Variants in BCL2L1 observed in about 807,000 individuals in gnomAD.
The protein encoded by BCL2L1 is BCL2 like 1.
In BCL2L1, 1 loss-of-function variant was observed where a neutral mutation model predicts 18.7. That is an observed-to-expected ratio of 0.05 (90% CI 0.02 to 0.25). The LOEUF (loss-of-function observed/expected upper bound fraction) is 0.25, where lower values mean the gene tolerates loss of function less well. Among genes scored for constraint, BCL2L1 ranks in the 10% least tolerant of loss-of-function variants. BCL2L1 has a pLI of 1.00. For missense variants in BCL2L1, 207 were observed against 304.9 expected (o/e 0.68, Z 2.39); for synonymous variants, 103 against 122.7 (o/e 0.84, Z 1.06).
At chr20:31,688,386 G>A (rs187640000) in intron 2 of BCL2L1, among the ~76,000 whole-genome samples, 2 of 147,690 alleles carry the variant, frequency 1.4e-5, no homozygotes, top group African/African-American at 5.1e-5. Flanking sequence ...GGAGGTTGCA[G>A]TGAGCCAAGA....
intron 2 of BCL2L1, among the ~76,000 whole-genome samples, chr20:31,711,901 G>C (rs2061458114): frequency 6.6e-6 from 1 of 152,192 alleles, no homozygotes; most frequent in Non-Finnish European, 1.5e-5. Context: ...AGACAGTAGA[G>C]TGTGAATCCC....
chr20:31,721,377 G>C (rs1320302502), intron 2 of BCL2L1: 5 of 450,334 alleles, frequency 1.1e-5, no homozygotes, highest in South Asian at 3.7e-5. Flanking sequence ...TGAACACATA[G>C]GCTACAGTTT....
chr20:31,700,233 G>A (rs948342736), intron 2 of BCL2L1, among the ~76,000 whole-genome samples: 29 of 152,130 alleles, frequency 1.9e-4, no homozygotes, highest in African/African-American at 7.0e-4. Context: ...TTGCCGAATC[G>A]CCAAATGAAT....
At chr20:31,666,898 G>A (rs1304677906) in intron 2 of BCL2L1, among the ~76,000 whole-genome samples, 2 of 152,186 alleles carry the variant, frequency 1.3e-5, no homozygotes, top group African/African-American at 4.8e-5. Context: ...GGAAGGAGGA[G>A]CTGTGGGCTA....
intron 2 of BCL2L1, among the ~76,000 whole-genome samples, chr20:31,675,485 A>G (rs1373630330): frequency 6.6e-6 from 1 of 152,112 alleles, no homozygotes; most frequent in Non-Finnish European, 1.5e-5. Flanking sequence ...TTTGGCAGGG[A>G]GTTGCAGGCG....
intron 2 of BCL2L1, chr20:31,713,371 G>C (rs2061481585): frequency 1.0e-6 from 1 of 985,318 alleles, no homozygotes; most frequent in Non-Finnish European, 1.2e-6. Context: ...GGAAAGGCAG[G>C]GACACGTCCA....
intron 2 of BCL2L1, among the ~76,000 whole-genome samples, chr20:31,700,952 G>A (rs912734589): frequency 2.6e-5 from 4 of 152,206 alleles, no homozygotes; most frequent in African/African-American, 7.2e-5. Context: ...AGAGGAGATC[G>A]TGTTGCCTCA....
intron 2 of BCL2L1, among the ~76,000 whole-genome samples, chr20:31,707,920 G>C (rs975446357): frequency 6.6e-6 from 1 of 152,058 alleles, no homozygotes; most frequent in African/African-American, 2.4e-5. Context: ...ACTCAACAAC[G>C]GTTTGTCAAA....
intron 2 of BCL2L1, among the ~76,000 whole-genome samples, chr20:31,674,806 T>C (rs1247461662): frequency 1.3e-5 from 2 of 149,104 alleles, no homozygotes; most frequent in Admixed American, 6.7e-5. Flanking sequence ...GGCTGGGAGG[T>C]TGAAACTGCA....
Position 31,703,694 on chromosome 20 carries a change from G to C in BCL2L1, c.564+17961C>G, listed in dbSNP as rs1446051362. Among the ~76,000 whole-genome samples the C allele has an allele frequency of 2.8e-4, 43 of 151,354 alleles. 1 individual carries two copies. The highest frequency in any genetic ancestry group is 1.0e-3 in the African/African-American group (43 of 41,164). Reference sequence around the variant, plus strand: ...TTCAGTAGAGATGGGGTTTCACTGTGTTGGCCAGGCTGGTCTGGAACTCCT... The same window carrying C: ...TTCAGTAGAGATGGGGTTTCACTGTCTTGGCCAGGCTGGTCTGGAACTCCT... On this transcript the variant is annotated intron_variant, in intron 2 of 2. Transcript: ENST00000307677.
At chr20:31,697,554 T>G (rs2061195448) in intron 2 of BCL2L1, among the ~76,000 whole-genome samples, 1 of 151,054 alleles carries the variant, frequency 6.6e-6, no homozygotes, top group Non-Finnish European at 1.5e-5. Flanking sequence ...TCTCCTGCCT[T>G]AGCCTCCCAA....
In BCL2L1 at chr20:31,722,032, G is replaced by A; in HGVS notation, c.187C>T (p.Pro63Ser). 6.2e-7 allele frequency: 1 copy of A among 1,611,186 alleles called. No individual in the cohort carries two copies. The part of the protein sequence containing the change: ...GNPSWHLADS[P>S]AVNGATGHSS... ...TGGCCAGTGGCTCCATTCACCGCGGGGCTGTCTGCCAGGTGCCAGGATGGG... is the reference window on the plus strand; with the variant it reads ...TGGCCAGTGGCTCCATTCACCGCGGAGCTGTCTGCCAGGTGCCAGGATGGG... The change falls in exon 2 of 3, where the codon CCC (proline) becomes TCC (serine). Residue 63 changes from proline to serine, a missense_variant. Transcript: ENST00000307677.
chr20:31,675,832 T>C (rs1345784900), intron 2 of BCL2L1, among the ~76,000 whole-genome samples: 1 of 152,186 alleles, frequency 6.6e-6, no homozygotes, highest in Non-Finnish European at 1.5e-5. Context: ...GCTCAAGCCA[T>C]CTGGGCTATA....
At chr20:31,690,694 C>T (rs1241768649) in intron 2 of BCL2L1, among the ~76,000 whole-genome samples, 1 of 152,028 alleles carries the variant, frequency 6.6e-6, no homozygotes, top group Non-Finnish European at 1.5e-5. Context: ...TCTCAGCTTC[C>T]CAAGGAGCTG....
At chr20:31,723,788 C>T (rs1041769070), upstream of BCL2L1, 7 of 985,470 alleles carry the variant, frequency 7.1e-6, no homozygotes, top group Non-Finnish European at 7.2e-6. Flanking sequence ...GGCCCGGTAG[C>T]TTCCAGACGC....
chr20:31,671,770 G>A (rs1194611501), intron 2 of BCL2L1, among the ~76,000 whole-genome samples: 1 of 151,730 alleles, frequency 6.6e-6, no homozygotes, highest in Non-Finnish European at 1.5e-5. Context: ...CAGCACATAA[G>A]GAGATATAGA....
chr20:31,722,534 C>A (rs11550478), intron 1 of BCL2L1, 84 bp downstream of exon 1: 3 of 219,794 alleles, frequency 1.4e-5, no homozygotes, highest in Non-Finnish European at 2.7e-5. Flanking sequence ...TTTTCTACCC[C>A]CGTCTTCTCC....
At chr20:31,719,641 G>A (rs1320220224) in intron 2 of BCL2L1, among the ~76,000 whole-genome samples, 2 of 152,204 alleles carry the variant, frequency 1.3e-5, no homozygotes, top group Admixed American at 6.5e-5. Flanking sequence ...GCAAAGAGAT[G>A]GAAGATGGAA....
intron 2 of BCL2L1, among the ~76,000 whole-genome samples, chr20:31,667,404 T>C (rs1160996633): frequency 6.7e-6 from 1 of 149,220 alleles, no homozygotes; most frequent in Non-Finnish European, 1.5e-5. Context: ...GAGGTTGCAG[T>C]GAGCAGAAAT....
Sources: allele counts gnomAD v4.1 joint callset (sites outside exome capture counted in the v4.1 genomes callset), GRCh38; gene constraint gnomAD v4.1.1; transcripts MANE v1.5; gene names NCBI Gene and HGNC (gene_info 2026-07-23, HGNC 2026-07-21).